Variants in BBX observed in about 807,000 individuals in gnomAD.
BBX encodes HMG box transcription factor BBX.
BBX carries 30 observed loss-of-function variants against 100.2 expected under a neutral mutation model. The ratio of observed to expected loss-of-function variants is 0.30; its 90% CI spans 0.22 to 0.41. The LOEUF (loss-of-function observed/expected upper bound fraction) is 0.41, where lower values mean the gene tolerates loss of function less well. Among genes scored for constraint, BBX ranks in the 10% least tolerant of loss-of-function variants. The probability of loss-of-function intolerance (pLI) is 1.00; values close to 1 mark genes in which losing one functional copy is unlikely to be tolerated. For synonymous variants in BBX, 376 were observed against 388.1 expected, an observed-to-expected ratio of 0.97 and a Z score of 0.37; for missense variants, 1,023 against 1,129.8, an observed-to-expected ratio of 0.91 and a Z score of 1.35.
At chr3:107,587,297 A>G (rs1197293475) in intron 2 of BBX, among the ~76,000 whole-genome samples, 1 of 150,484 alleles carries the variant, frequency 6.6e-6, no homozygotes, top group African/African-American at 2.5e-5. Flanking sequence ...CAGTGAGCCC[A>G]GATCATACCA....
intron 13 of BBX, among the ~76,000 whole-genome samples, chr3:107,780,916 G>A (rs2067813488): frequency 6.6e-6 from 1 of 151,874 alleles, no homozygotes; most frequent in Non-Finnish European, 1.5e-5. Flanking sequence ...GAGATCATTA[G>A]TTCATTAATA....
At chr3:107,555,841 T>C (rs184962429) in intron 2 of BBX, among the ~76,000 whole-genome samples, 3 of 152,292 alleles carry the variant, frequency 2.0e-5, no homozygotes, top group Admixed American at 2.0e-4. Flanking sequence ...GTATGAATAG[T>C]CCTCCCCTTG....
intron 3 of BBX, among the ~76,000 whole-genome samples, chr3:107,670,729 ATAG>A (rs1361562410): frequency 3.9e-5 from 6 of 152,220 alleles, no homozygotes; most frequent in Non-Finnish European, 7.4e-5. Context: ...TTAATAAGAA[ATAG>A]TAGAGGGAAG....
chr3:107,807,948 T>C lies in BBX; in HGVS notation c.*2491T>C, dbSNP rs1275441507. The C allele has an allele frequency of 6.6e-6, 1 of 152,206 alleles. No individual in the cohort carries two copies. Among genetic ancestry groups the C allele is most frequent in the East Asian group, 1.9e-4 (1 of 5,198 alleles). 9.4% of individuals were successfully genotyped at this position (152,206 alleles called of 1,614,324 possible). Reference sequence around the variant, plus strand: ...AAATCCTGCAAAGCTTTATAGTTCCTTAGACTCACCTTGTCGATTCTCTGA... The same window carrying C: ...AAATCCTGCAAAGCTTTATAGTTCCCTAGACTCACCTTGTCGATTCTCTGA... On this transcript the variant is annotated 3_prime_UTR_variant, in exon 18 of 18. Coordinates refer to ENST00000325805, the MANE Select transcript of BBX (RefSeq NM_001142568.3).
chr3:107,693,578 A>G (rs924000815), intron 3 of BBX, among the ~76,000 whole-genome samples: 1 of 151,746 alleles, frequency 6.6e-6, no homozygotes. Context: ...TGGTACCAGT[A>G]CCATGCTGTT....
At chr3:107,718,607 G>A (rs1427659200) in intron 5 of BBX, among the ~76,000 whole-genome samples, 1 of 151,862 alleles carries the variant, frequency 6.6e-6, no homozygotes, top group African/African-American at 2.4e-5. Context: ...TGCTGTTTTT[G>A]GATAACATGC....
At chr3:107,595,654 A>C (rs2053625245) in intron 2 of BBX, among the ~76,000 whole-genome samples, 1 of 152,196 alleles carries the variant, frequency 6.6e-6, no homozygotes, top group Non-Finnish European at 1.5e-5. Flanking sequence ...GACTCTTGTT[A>C]TGTCAGAGCA....
chr3:107,761,788 C>G (rs1399431922), intron 10 of BBX, among the ~76,000 whole-genome samples: 4 of 152,146 alleles, frequency 2.6e-5, no homozygotes, highest in African/African-American at 9.7e-5. Flanking sequence ...GAAGCAGAGA[C>G]CTGCATTCCT....
chr3:107,718,348 G>A (rs2062268792), intron 5 of BBX, among the ~76,000 whole-genome samples: 1 of 149,342 alleles, frequency 6.7e-6, no homozygotes, highest in Admixed American at 6.7e-5. Context: ...TTCAAAAATT[G>A]ACTGTTAAAG....
chr3:107,730,506 T>TG (rs1175300321), intron 6 of BBX, among the ~76,000 whole-genome samples: 1 of 151,504 alleles, frequency 6.6e-6, no homozygotes, highest in Non-Finnish European at 1.5e-5. Context: ...TTTTTTTTTT[T>TG]GCATACATCT....
Position 107,773,311 on chromosome 3 carries a change from A to C in BBX, c.1590A>C (p.Lys530Asn). ...TGGATGCCAAGCCACCAAAGAAAAA[A>C]GTGAAATCAAGAGAGAAGAAAATGT... is the stretch of plus-strand genomic sequence containing the variant. Reference protein sequence around the residue: ...SILDAKPPKKKVKSREKKMSK... With the variant: ...SILDAKPPKKNVKSREKKMSK... The change falls in exon 11 of 18, where the codon AAA becomes AAC. Residue 530 changes from lysine (K) to asparagine (N), a missense_variant. Around this residue, in one of 9 missense-constraint regions of BBX, gnomAD observed 348 missense variants for 353.2 expected, o/e 0.99. Transcript: ENST00000325805. This position sits in a 1 kb window ranked among gnomAD's most constrained non-coding sequence, Gnocchi z 4.1. The C allele has an allele frequency of 6.2e-7, 1 of 1,614,144 alleles. No homozygotes were observed. The highest frequency in any genetic ancestry group is 8.5e-7 in the Non-Finnish European group (1 of 1,180,002).
chr3:107,641,490 T>C (rs2057210756), intron 2 of BBX, among the ~76,000 whole-genome samples: 1 of 152,228 alleles, frequency 6.6e-6, no homozygotes, highest in African/African-American at 2.4e-5. Flanking sequence ...TCTGAACCAA[T>C]GAATGCTGGA....
Position 107,748,173 on chromosome 3 carries a change from ATATT to A in BBX, c.825+139_825+142del, listed in dbSNP as rs2064780637. 1.4e-5 allele frequency: 9 copies of A among 647,054 alleles called. No individual in the cohort carries two copies. In the South Asian group the frequency reaches 2.5e-4, roughly 18 times the overall value. 40.1% of individuals were successfully genotyped at this position (647,054 alleles called of 1,614,324 possible). On this transcript the variant is annotated intron_variant, in intron 9 of 17. Coordinates refer to ENST00000325805, the MANE Select transcript of BBX (RefSeq NM_001142568.3). Reference sequence around the variant, plus strand: ...TTATTAACATAATACACATAACAGAATATTTATTGCTTTTTCTGCTGCCTTTGAT... The same window carrying A: ...TTATTAACATAATACACATAACAGAATATTGCTTTTTCTGCTGCCTTTGAT...
At chr3:107,800,949 G>A (rs930007350) in intron 16 of BBX, 146 bp from the exon 17 acceptor site, 20 of 770,496 alleles carry the variant, frequency 2.6e-5, no homozygotes, top group African/African-American at 5.2e-5. Context: ...AAGAGATTCT[G>A]TAAAAGCCTT....
intron 3 of BBX, among the ~76,000 whole-genome samples, chr3:107,656,787 A>G (rs1471795232): frequency 6.6e-6 from 1 of 152,244 alleles, no homozygotes; most frequent in East Asian, 1.9e-4. Context: ...TGTCAAGATC[A>G]GGATGTGGTA....
At chr3:107,635,650 T>C (rs895163403) in intron 2 of BBX, among the ~76,000 whole-genome samples, 1 of 151,980 alleles carries the variant, frequency 6.6e-6, no homozygotes, top group Non-Finnish European at 1.5e-5. Context: ...TGAAATAGAG[T>C]AAAATAAATC....
At chr3:107,632,760 C>T (rs1270502886) in intron 2 of BBX, among the ~76,000 whole-genome samples, 1 of 152,158 alleles carries the variant, frequency 6.6e-6, no homozygotes, top group Non-Finnish European at 1.5e-5. Flanking sequence ...GGGGTGCATT[C>T]TCTACCCTGC....
In BBX at chr3:107,707,720, C is replaced by T. The variant is rs140480077; in HGVS notation, c.-9-2732C>T. Among the ~76,000 whole-genome samples the T allele has an allele frequency of 9.9e-3, 1,512 of 152,116 alleles. 14 individuals are homozygous for T. Among genetic ancestry groups the T allele is most frequent in the Non-Finnish European group, 0.015 (1,015 of 67,996 alleles). On this transcript the variant is annotated intron_variant, in intron 3 of 17. Coordinates refer to ENST00000325805, the MANE Select transcript of BBX (RefSeq NM_001142568.3). ...ATTAGAAATGAGGGAGGACTGAATGCGATTATTTTGAACCCAGAAAGAAGC... is the reference window on the plus strand; with the variant it reads ...ATTAGAAATGAGGGAGGACTGAATGTGATTATTTTGAACCCAGAAAGAAGC...
At chr3:107,747,845 A>C (rs1378527493) in intron 8 of BBX, 120 bp from the exon 9 acceptor site, 1 of 698,124 alleles carries the variant, frequency 1.4e-6, no homozygotes, top group African/African-American at 1.8e-5. Context: ...AAAGGGATTG[A>C]GGGTAATGAC....
Sources: gnomAD v4.1 joint callset for allele counts (sites outside exome capture counted in the v4.1 genomes callset) on GRCh38, gnomAD v4.1.1 for gene constraint, gnomAD v4.1.1 regional missense constraint, Gnocchi (gnomAD v3.1) non-coding constraint, MANE v1.5 for transcripts, NCBI Gene and HGNC (gene_info 2026-07-23, HGNC 2026-07-21) for gene names.